Variants in ITPR2 observed in about 807,000 individuals in gnomAD.
The protein encoded by ITPR2 is inositol 1,4,5-trisphosphate-gated calcium channel ITPR2.
ITPR2 carries 207 observed loss-of-function variants against 317.1 expected under a neutral mutation model. The ratio of observed to expected loss-of-function variants is 0.65; its 90% CI spans 0.58 to 0.73. ITPR2 has a LOEUF of 0.73. ITPR2 is among the 30% of genes least tolerant of loss of function. The pLI, the probability that ITPR2 is intolerant of heterozygous loss-of-function variation, is 0.00. For synonymous variants in ITPR2, 1,156 were observed against 1,149.1 expected, an observed-to-expected ratio of 1.01 and a Z score of -0.12; for missense variants, 2,613 against 3,284.0, an observed-to-expected ratio of 0.80 and a Z score of 4.99.
At chr12:26,704,489 T>C (rs1948513627) in intron 9 of ITPR2, among the ~76,000 whole-genome samples, 1 of 152,202 alleles carries the variant, frequency 6.6e-6, no homozygotes, top group South Asian at 2.1e-4. Flanking sequence ...GAGGCAGTGT[T>C]TCCTATGTCA....
Position 26,516,213 on chromosome 12 carries a change from G to GAAGGAAAGGAAAGGAAAGGAAAGGA in ITPR2, c.5074-20978_5074-20954dup, listed in dbSNP as rs1164570920. Among the ~76,000 whole-genome samples, 54 of 40,274 alleles carry GAAGGAAAGGAAAGGAAAGGAAAGGA rather than the reference G, an allele frequency of 1.3e-3. 5 individuals carry two copies. The highest frequency in any genetic ancestry group is 3.5e-3 in the Admixed American group (12 of 3,448). 26.4% of individuals were successfully genotyped at this position (40,274 alleles called of 152,430 possible). On this transcript the variant is annotated intron_variant, in intron 37 of 56. Transcript: ENST00000381340. ...GGCGGGGGAGGGAAGGGGAGGACAG[G>GAAGGAAAGGAAAGGAAAGGAAAGGA]AAGGAAAGGAAAGGAAAGGAAAGGA...
At chr12:26,825,999 G>A (rs1951003368) in intron 1 of ITPR2, among the ~76,000 whole-genome samples, 1 of 152,142 alleles carries the variant, frequency 6.6e-6, no homozygotes, top group Admixed American at 6.5e-5. Flanking sequence ...GGAAACAACA[G>A]CCATCATTTG....
chr12:26,611,238 C>G (rs766030698), intron 26 of ITPR2, among the ~76,000 whole-genome samples: 1 of 152,228 alleles, frequency 6.6e-6, no homozygotes, highest in Non-Finnish European at 1.5e-5. Context: ...GACTCCTCAT[C>G]TGCAAAAACA....
intron 37 of ITPR2, among the ~76,000 whole-genome samples, chr12:26,528,660 GTCA>G (rs2136954594): frequency 6.6e-6 from 1 of 152,272 alleles, no homozygotes; most frequent in South Asian, 2.1e-4. Flanking sequence ...TGATATTGCT[GTCA>G]TCAAGAAGCT....
intron 32 of ITPR2, among the ~76,000 whole-genome samples, chr12:26,592,043 T>C (rs1945722811): frequency 6.7e-6 from 1 of 150,336 alleles, no homozygotes; most frequent in Non-Finnish European, 1.5e-5. Context: ...GTGGTACATA[T>C]ACACAACAGA....
chr12:26,689,270 A>C (rs1475334181), intron 10 of ITPR2, among the ~76,000 whole-genome samples: 1 of 152,080 alleles, frequency 6.6e-6, no homozygotes, highest in Non-Finnish European at 1.5e-5. Flanking sequence ...TACAATAATT[A>C]GTTAGGCATG....
chr12:26,673,015 AG>A (rs1321235737), intron 13 of ITPR2, among the ~76,000 whole-genome samples: 3 of 152,174 alleles, frequency 2.0e-5, no homozygotes, highest in Non-Finnish European at 4.4e-5. Context: ...AGCTCTGAAT[AG>A]ACCAATAACA....
intron 4 of ITPR2, 53 bp downstream of exon 4, chr12:26,724,603 T>C (rs1468459247): frequency 1.7e-6 from 2 of 1,159,014 alleles, no homozygotes; most frequent in South Asian, 1.3e-5. Context: ...TCCTGCCAAC[T>C]TACTGACAAA....
intron 45 of ITPR2, among the ~76,000 whole-genome samples, chr12:26,452,730 G>T (rs1941770608): frequency 1.3e-5 from 2 of 152,162 alleles, no homozygotes. Flanking sequence ...CTTTGCCATG[G>T]TAGCACACGC....
intron 47 of ITPR2, among the ~76,000 whole-genome samples, chr12:26,438,233 T>TA (rs1319575838): frequency 6.6e-6 from 1 of 152,248 alleles, no homozygotes; most frequent in Non-Finnish European, 1.5e-5. Flanking sequence ...TTGATTTTTT[T>TA]AAAAGCATTC....
chr12:26,622,748 G>A (rs1391764299), intron 24 of ITPR2, among the ~76,000 whole-genome samples: 1 of 152,172 alleles, frequency 6.6e-6, no homozygotes, highest in Admixed American at 6.5e-5. Context: ...TGCTAGGCTG[G>A]ATGTACACCG....
rs1948958792 is a variant in ITPR2, at chr12:26,727,893, C to T, written c.164-2128G>A. ...TTTTAAAGAACCAATACTCATTCAG[C>T]ACAGGGGCAAGAGGGCTCCCATGCT... On this transcript the variant is annotated intron_variant, in intron 2 of 56. Transcript: ENST00000381340. Among the ~76,000 whole-genome samples, 4 of 152,146 alleles carry T rather than the reference C, an allele frequency of 2.6e-5. No homozygotes were observed. The South Asian group carries it at 8.3e-4, about 32-fold the overall frequency.
chr12:26,461,689 T>TACACAC (rs1555133712), intron 45 of ITPR2, among the ~76,000 whole-genome samples: 24 of 93,194 alleles, frequency 2.6e-4, no homozygotes, highest in African/African-American at 8.8e-4. Flanking sequence ...TACATATATA[T>TACACAC]ATACACACAC....
At chr12:26,386,034 T>G (rs1161693668) in intron 55 of ITPR2, among the ~76,000 whole-genome samples, 2 of 151,910 alleles carry the variant, frequency 1.3e-5, no homozygotes, top group Non-Finnish European at 2.9e-5. Flanking sequence ...ATAACAGGAG[T>G]CTAATAAATG....
chr12:26,788,006 C>A (rs532139976), intron 2 of ITPR2, among the ~76,000 whole-genome samples: 14 of 148,862 alleles, frequency 9.4e-5, no homozygotes, highest in South Asian at 2.1e-4. Flanking sequence ...CTCACTGCAA[C>A]CTCTGCCTCC....
At chr12:26,580,474 G>A (rs1565617851) in intron 32 of ITPR2, among the ~76,000 whole-genome samples, 2 of 152,068 alleles carry the variant, frequency 1.3e-5, no homozygotes, top group East Asian at 3.8e-4. Flanking sequence ...TGGCTTTGCT[G>A]GAGAACACTT....
intron 11 of ITPR2, among the ~76,000 whole-genome samples, chr12:26,685,374 T>A (rs918986245): frequency 6.6e-6 from 1 of 152,090 alleles, no homozygotes; most frequent in South Asian, 2.1e-4. Flanking sequence ...GGTGGGTGGA[T>A]CCCTCGAGCC....
At chr12:26,552,464 G>A (rs1220252439) in intron 36 of ITPR2, among the ~76,000 whole-genome samples, 1 of 152,128 alleles carries the variant, frequency 6.6e-6, no homozygotes, top group Non-Finnish European at 1.5e-5. Flanking sequence ...TTAGAAGTGT[G>A]AGCCATCACA....
intron 1 of ITPR2, among the ~76,000 whole-genome samples, chr12:26,818,569 C>T (rs1950895168): frequency 6.6e-6 from 1 of 152,172 alleles, no homozygotes; most frequent in Non-Finnish European, 1.5e-5. Context: ...AATATTCCTG[C>T]ACATGGATTA....
Sources: gnomAD v4.1 joint callset for allele counts (sites outside exome capture counted in the v4.1 genomes callset) on GRCh38, gnomAD v4.1.1 for gene constraint, MANE v1.5 for transcripts, NCBI Gene and HGNC (gene_info 2026-07-23, HGNC 2026-07-21) for gene names.